Variants in UBE2D3 observed in about 807,000 individuals in gnomAD.
UBE2D3 encodes ubiquitin-conjugating enzyme E2 D3.
Under a neutral mutation model 22.8 loss-of-function variants are expected in UBE2D3, and 2 were observed. The ratio of observed to expected loss-of-function variants is 0.09; its 90% confidence interval spans 0.04 to 0.28. The LOEUF (loss-of-function observed/expected upper bound fraction) is 0.28, where lower values mean the gene tolerates loss of function less well. Ranked by LOEUF, UBE2D3 falls within the 10% of genes least tolerant of loss-of-function variation. The pLI, the probability that UBE2D3 is intolerant of heterozygous loss-of-function variation, is 1.00. For missense variants in UBE2D3, 27 were observed against 182.5 expected (o/e 0.15, Z 4.91); for synonymous variants, 56 against 60.4 (o/e 0.93, Z 0.34).
chr4:102,799,029 G>A, intron 7 of UBE2D3: 2 of 1,500,662 alleles, frequency 1.3e-6, no homozygotes, highest in Non-Finnish European at 9.3e-7. Flanking sequence ...AAGTTATAAT[G>A]GTTAAGTTGA....
chr4:102,829,659 G>C (rs1474984731), upstream of UBE2D3, among the ~76,000 whole-genome samples: 3 of 152,160 alleles, frequency 2.0e-5, no homozygotes, highest in Admixed American at 1.3e-4. Context: ...CAAATGTATA[G>C]TAGTAATAGT....
In UBE2D3 at chr4:102,846,600, G is replaced by C. The variant is rs552153872; in HGVS notation, c.-128-19964C>G. Reference sequence around the variant, plus strand: ...CAATTCTCTGACTAGGCTATGTTGGGATATAACTGGAGGCACTAATAGGTA... The same window carrying C: ...CAATTCTCTGACTAGGCTATGTTGGCATATAACTGGAGGCACTAATAGGTA... On this transcript the variant is annotated intron_variant, in intron 1 of 7. Coordinates refer to the UBE2D3 transcript ENST00000338145. Among the ~76,000 whole-genome samples, 22 of 152,168 alleles carry C rather than the reference G, an allele frequency of 1.4e-4. No individual in the cohort carries two copies. In the South Asian group the frequency reaches 3.9e-3, roughly 27 times the overall value.
intron 1 of UBE2D3, 65 bp downstream of exon 1, chr4:102,827,360 CCT>C: frequency 5.1e-6 from 5 of 984,726 alleles, no homozygotes; most frequent in Non-Finnish European, 6.0e-6. Context: ...CCGCACTGCC[CCT>C]CTTACCCGGC....
intron 1 of UBE2D3, among the ~76,000 whole-genome samples, chr4:102,848,751 T>G (rs771050385): frequency 6.6e-6 from 1 of 152,032 alleles, no homozygotes; most frequent in Non-Finnish European, 1.5e-5. Flanking sequence ...CCTAGGAGGT[T>G]GAGGCTGCAG....
At chr4:102,861,909 CT>C (rs1732918683) in intron 1 of UBE2D3, among the ~76,000 whole-genome samples, 1 of 151,772 alleles carries the variant, frequency 6.6e-6, no homozygotes, top group Non-Finnish European at 1.5e-5. Context: ...CATGTGTTTG[CT>C]TGTTTATTTA....
At chr4:102,844,783 G>A (rs1320580578) in intron 1 of UBE2D3, among the ~76,000 whole-genome samples, 1 of 151,928 alleles carries the variant, frequency 6.6e-6, no homozygotes, top group Non-Finnish European at 1.5e-5. Flanking sequence ...CACTTTGGGA[G>A]GCCGAGGTGG....
chr4:102,806,245 A>G (rs1727019363), intron 4 of UBE2D3, among the ~76,000 whole-genome samples: 1 of 152,108 alleles, frequency 6.6e-6, no homozygotes, highest in Non-Finnish European at 1.5e-5. Context: ...ATAAAATATT[A>G]TATGGATAAC....
intron 4 of UBE2D3, among the ~76,000 whole-genome samples, chr4:102,806,755 A>T (rs1329460342): frequency 6.6e-6 from 1 of 152,192 alleles, no homozygotes; most frequent in South Asian, 2.1e-4. Context: ...AGTAAATATC[A>T]GAGGCAATAG....
chr4:102,867,097 T>C (rs1375197673), intron 1 of UBE2D3, among the ~76,000 whole-genome samples: 1 of 152,238 alleles, frequency 6.6e-6, no homozygotes, highest in Non-Finnish European at 1.5e-5. Flanking sequence ...CTAAACGTGT[T>C]TGTAGAATTT....
chr4:102,807,217 T>G (rs1311912671), intron 4 of UBE2D3, among the ~76,000 whole-genome samples: 3 of 152,244 alleles, frequency 2.0e-5, no homozygotes, highest in Non-Finnish European at 4.4e-5. Context: ...AGGTCACAAC[T>G]GCTTGCTACA....
Position 102,809,775 on chromosome 4 carries a change from A to C in UBE2D3, c.88+17T>G. 6.2e-7 allele frequency: 1 copy of C among 1,613,772 alleles called. No homozygotes were observed. Reference sequence around the variant, plus strand: ...AAAAAAAAATTAGGCATAAAAATCAACTTGCAAGTTACTTACTATCATCCC... The same window carrying C: ...AAAAAAAAATTAGGCATAAAAATCACCTTGCAAGTTACTTACTATCATCCC... On this transcript the variant is annotated intron_variant, in intron 3 of 7. Transcript: ENST00000453744.
intron 2 of UBE2D3, chr4:102,825,368 A>T: frequency 9.9e-7 from 1 of 1,009,484 alleles, no homozygotes; most frequent in African/African-American, 1.7e-5. Context: ...GTCACAAAAA[A>T]GGGAAATACA....
intron 1 of UBE2D3, among the ~76,000 whole-genome samples, chr4:102,855,147 A>T (rs976727361): frequency 1.3e-5 from 2 of 152,234 alleles, no homozygotes; most frequent in Non-Finnish European, 2.9e-5. Flanking sequence ...GAGAAACAGT[A>T]GCAAAGAGAG....
intron 1 of UBE2D3, among the ~76,000 whole-genome samples, chr4:102,864,698 CAT>C (rs1045963479): frequency 4.6e-5 from 7 of 152,142 alleles, no homozygotes; most frequent in African/African-American, 1.7e-4. Flanking sequence ...CTCTGAAATT[CAT>C]AGAGTAGTAA....
chr4:102,854,194 A>G (rs900777292), intron 1 of UBE2D3, among the ~76,000 whole-genome samples: 6 of 152,066 alleles, frequency 3.9e-5, no homozygotes, highest in Non-Finnish European at 8.8e-5. Flanking sequence ...ATTTTTCTAA[A>G]TTTGTTGTGT....
intron 4 of UBE2D3, among the ~76,000 whole-genome samples, chr4:102,807,844 T>G (rs571011710): frequency 6.6e-6 from 1 of 152,314 alleles, no homozygotes; most frequent in African/African-American, 2.4e-5. Context: ...TCCTTGCCTT[T>G]TGGGAAAAAC....
chr4:102,811,140 G>C (rs1296662806), intron 2 of UBE2D3: 1 of 152,194 alleles, frequency 6.6e-6, no homozygotes, highest in South Asian at 2.1e-4. Context: ...TTGAGCCCAG[G>C]AGTTTGACTG....
At chr4:102,862,503 A>C (rs1338085801) in intron 1 of UBE2D3, among the ~76,000 whole-genome samples, 1 of 147,944 alleles carries the variant, frequency 6.8e-6, no homozygotes, top group Non-Finnish European at 1.5e-5. Flanking sequence ...CCTTTCTCTT[A>C]TTTTGGGTTT....
At chr4:102,825,007 T>C (rs185518988) in intron 2 of UBE2D3, among the ~76,000 whole-genome samples, 28 of 152,364 alleles carry the variant, frequency 1.8e-4, no homozygotes, top group Admixed American at 7.8e-4. Context: ...AAAATGACGA[T>C]GTTATGAAGG....
Sources: allele counts gnomAD v4.1 joint callset (sites outside exome capture counted in the v4.1 genomes callset), GRCh38; gene constraint gnomAD v4.1.1; transcripts MANE v1.5; gene names NCBI Gene and HGNC (gene_info 2026-07-23, HGNC 2026-07-21).